DNAH5: variants seen among roughly 807,000 people sequenced by gnomAD.
DNAH5 encodes the protein axonemal beta dynein heavy chain 5.
Under a neutral mutation model 518.2 loss-of-function variants are expected in DNAH5, and 372 were observed. That is an observed-to-expected ratio of 0.72 (90% CI 0.66 to 0.78). The LOEUF (loss-of-function observed/expected upper bound fraction) is 0.78, where lower values mean the gene tolerates loss of function less well. Ranked by LOEUF, DNAH5 falls within the 30% of genes least tolerant of loss-of-function variation. The probability of loss-of-function intolerance (pLI) is 0.00; values close to 1 mark genes in which losing one functional copy is unlikely to be tolerated. For missense variants in DNAH5, 5,523 were observed against 5,687.0 expected, an observed-to-expected ratio of 0.97 and a Z score of 0.93; for synonymous variants, 2,039 against 2,025.9, an observed-to-expected ratio of 1.01 and a Z score of -0.17.
chr5:13,815,664 A>C (rs1761361494), intron 42 of DNAH5, among the ~76,000 whole-genome samples: 1 of 152,222 alleles, frequency 6.6e-6, no homozygotes, highest in East Asian at 1.9e-4. Flanking sequence ...AGGAACAGTA[A>C]GAAGTTGAAC....
Position 13,913,829 on chromosome 5 carries a change from T to C in DNAH5, c.1450A>G (p.Ile484Val). The C allele has an allele frequency of 6.2e-7, 1 of 1,613,700 alleles. No individual in the cohort carries two copies. The highest frequency in any genetic ancestry group is 8.5e-7 in the Non-Finnish European group (1 of 1,179,654). ...GTCTTGAGGGTTGTAAAGATGTCTA[T>C]TATCTTGGCAAGGCGTCGGTGAAAA... ...ETFHRRLAKI[I>V]DIFTTLKTYS... is the part of the protein sequence containing the mutation. Residue 484 changes from isoleucine to valine, a missense_variant, in exon 11 of 79, where the codon ATA becomes GTA. Around this residue, in one of 3 missense-constraint regions of DNAH5, gnomAD observed 5,121 missense variants for 5,223.3 expected, o/e 0.98. Coordinates refer to ENST00000265104, the MANE Select transcript of DNAH5 (RefSeq NM_001369.3).
rs752928731 is a variant in DNAH5 at position 13,871,584 on chromosome 5, C to G, written c.3578G>C (p.Gly1193Ala). 1.9e-6 allele frequency: 3 copies of G among 1,613,452 alleles called. No individual in the cohort carries two copies. In the South Asian group the frequency reaches 3.3e-5, roughly 18 times the overall value. The change falls in exon 23 of 79, where the codon GGT becomes GCT. Residue 1193 changes from glycine (G) to alanine (A), a missense_variant. This residue lies in a region of DNAH5 where 5,121 missense variants were observed against 5,223.3 expected (regional missense o/e 0.98). Transcript: ENST00000265104. The stretch of plus-strand genomic sequence containing the variant: ...CCAACCTGTGTACAGAGCAATGGAA[C>G]CCACACAGACATATTCAGGCTCAGC... Reference protein sequence around the residue: ...INAEPEYVCVGSIALYTADLK... With the variant: ...INAEPEYVCVASIALYTADLK...
chr5:13,809,239 C>T, intron 45 of DNAH5, 53 bp from the exon 46 acceptor site: 2 of 1,599,648 alleles, frequency 1.3e-6, no homozygotes, highest in Non-Finnish European at 1.7e-6. Context: ...CAACTCCGAA[C>T]TGTAATGAGC....
At chr5:13,917,988 C>T (rs1208626727) in intron 7 of DNAH5, among the ~76,000 whole-genome samples, 1 of 152,182 alleles carries the variant, frequency 6.6e-6, no homozygotes, top group Admixed American at 6.5e-5. Flanking sequence ...AGTTAGGCAG[C>T]CTCTATGACG....
intron 13 of DNAH5, 100 bp from the exon 14 acceptor site, chr5:13,901,673 T>A: frequency 1.3e-6 from 1 of 744,486 alleles, no homozygotes; most frequent in African/African-American, 1.8e-5. Context: ...TATTTATTTT[T>A]TAAAATGCTA....
At position 13,850,807 on chromosome 5, in the gene DNAH5, C is replaced by T. The variant is rs1207203971; in HGVS notation, c.4959G>A (p.Lys1653=). The change falls in exon 31 of 79, where the codon AAG becomes AAA. Residue 1653 remains lysine (K), a synonymous_variant. Transcript: ENST00000265104. ...DIAKQLPKEA[K]RFSNIDKSWV... ...AAGATTTATCTATGTTAGAAAACCG[C>T]TTGGCTTCCTATGAGAACAAGGTAA... The T allele has an allele frequency of 6.2e-7, 1 of 1,614,014 alleles. No homozygotes were observed. The highest frequency in any genetic ancestry group is 8.5e-7 in the Non-Finnish European group (1 of 1,180,004).
intron 38 of DNAH5, among the ~76,000 whole-genome samples, chr5:13,828,597 C>T (rs1763229194): frequency 6.6e-6 from 1 of 152,184 alleles, no homozygotes; most frequent in African/African-American, 2.4e-5. Flanking sequence ...GACTGTAGCA[C>T]TCGTTTTGCT....
chr5:13,775,972 C>CAAAAA (rs369053509), intron 55 of DNAH5, among the ~76,000 whole-genome samples: 7 of 106,606 alleles, frequency 6.6e-5, no homozygotes, highest in African/African-American at 2.3e-4. Context: ...CAAAAGCTTT[C>CAAAAA]AAAAAAAAAA....
At chr5:13,871,930 T>C (rs75581197) in intron 22 of DNAH5, among the ~76,000 whole-genome samples, 165 bp from the exon 23 acceptor site, 1 of 152,186 alleles carries the variant, frequency 6.6e-6, no homozygotes, top group Admixed American at 6.6e-5. Flanking sequence ...TATACAATAG[T>C]GTGGACAGTA....
In DNAH5 at chr5:14,000,635, CA is replaced by C. The variant is rs111658670; in HGVS notation, c.12+11012del. 2.1e-3 allele frequency among the ~76,000 whole-genome samples: 259 copies of C among 126,090 alleles called. 1 individual carries two copies. Among genetic ancestry groups the C allele is most frequent in the African/African-American group, 5.8e-3 (189 of 32,672 alleles). The allele number at this position is 126,090 out of a possible 152,430, so 82.7% of individuals were successfully genotyped here. On this transcript the variant is annotated intron_variant, in intron 1 of 78. Coordinates refer to the DNAH5 transcript ENST00000681290. The stretch of plus-strand genomic sequence containing the variant: ...ATCAGAATGGCTTTTGTTAAAAAGC[CA>C]AAAAAAAAAAATGGATGCTGGCAAG...
At chr5:13,705,178 T>A (rs1309711560) in intron 76 of DNAH5, among the ~76,000 whole-genome samples, 1 of 152,046 alleles carries the variant, frequency 6.6e-6, no homozygotes, top group Non-Finnish European at 1.5e-5. Flanking sequence ...GTTTTTTTAG[T>A]AGAGACGGGG....
At chr5:13,961,103 G>A (rs1432908440) in intron 1 of DNAH5, among the ~76,000 whole-genome samples, 1 of 152,148 alleles carries the variant, frequency 6.6e-6, no homozygotes, top group Non-Finnish European at 1.5e-5. Flanking sequence ...AGGCAGGTAA[G>A]GAAGAAGCTT....
intron 54 of DNAH5, 133 bp downstream of exon 54, chr5:13,777,069 T>C (rs1470672795): frequency 1.2e-6 from 1 of 853,812 alleles, no homozygotes; most frequent in Non-Finnish European, 1.8e-6. Flanking sequence ...GAAAAACCCA[T>C]CCTTCATACT....
upstream of DNAH5, among the ~76,000 whole-genome samples, chr5:13,948,569 T>C (rs773884341): frequency 1.6e-4 from 24 of 152,160 alleles, no homozygotes; most frequent in Non-Finnish European, 2.8e-4. Context: ...GAGTGTAACA[T>C]ATGTGAAAAA....
intron 71 of DNAH5, 104 bp downstream of exon 71, chr5:13,720,896 C>A: frequency 6.7e-7 from 1 of 1,486,784 alleles, no homozygotes; most frequent in South Asian, 1.2e-5. Flanking sequence ...CAGCAGGCAG[C>A]ATGTAAATTT....
chr5:13,781,079 T>C, intron 52 of DNAH5, 120 bp from the exon 53 acceptor site: 1 of 1,146,478 alleles, frequency 8.7e-7, no homozygotes, highest in Non-Finnish European at 1.2e-6. Flanking sequence ...TGTCTCAAGA[T>C]CAGACTGGAG....
intron 31 of DNAH5, among the ~76,000 whole-genome samples, chr5:13,846,693 T>C (rs17208191): frequency 6.6e-6 from 1 of 152,046 alleles, no homozygotes; most frequent in South Asian, 2.1e-4. Flanking sequence ...GGGATGATCA[T>C]GGATAAGCCT....
At chr5:13,806,950 G>C (rs1162852216) in intron 47 of DNAH5, among the ~76,000 whole-genome samples, 1 of 152,168 alleles carries the variant, frequency 6.6e-6, no homozygotes, top group Non-Finnish European at 1.5e-5. Context: ...TTAAGTCGGG[G>C]AACAAGATTA....
At chr5:13,777,146 C>G in intron 54 of DNAH5, 56 bp downstream of exon 54, 2 of 1,548,024 alleles carry the variant, frequency 1.3e-6, no homozygotes, top group Non-Finnish European at 1.8e-6. Context: ...ATGTAGAGCT[C>G]TAAGCTGGAG....
Sources: allele counts gnomAD v4.1 joint callset (sites outside exome capture counted in the v4.1 genomes callset), GRCh38; gene constraint gnomAD v4.1.1; regional missense constraint gnomAD v4.1.1; transcripts MANE v1.5; gene names NCBI Gene and HGNC (gene_info 2026-07-23, HGNC 2026-07-21).